Variants in TNPO1 observed in about 807,000 individuals in gnomAD.
TNPO1 encodes the protein transportin 1.
Under a neutral mutation model 119.5 loss-of-function variants are expected in TNPO1, and 8 were observed. The observed-to-expected ratio is 0.07, with a 90% CI of 0.04 to 0.12. The LOEUF is 0.12. Ranked by LOEUF, TNPO1 falls within the 10% of genes least tolerant of loss-of-function variation. The pLI, the probability that TNPO1 is intolerant of heterozygous loss-of-function variation, is 1.00. For synonymous variants in TNPO1, 362 were observed against 363.0 expected (o/e 1.00, Z 0.03); for missense variants, 576 against 1,089.8 (o/e 0.53, Z 6.64).
intron 18 of TNPO1, among the ~76,000 whole-genome samples, chr5:72,895,237 T>TTG (rs1749344134): frequency 6.6e-6 from 1 of 152,240 alleles, no homozygotes; most frequent in Admixed American, 6.5e-5. Context: ...TCCGTTGTAT[T>TTG]TACTGTAAAT....
Position 72,873,416 on chromosome 5 carries a change from G to A in TNPO1, c.678+696G>A, listed in dbSNP as rs183368842. ...ACTACTGTTGGGAAATTATAAGGAA[G>A]AGTAGGGGGGGTTACGTTACTTTTT... On this transcript the variant is annotated intron_variant, in intron 7 of 24. Coordinates refer to ENST00000337273, the MANE Select transcript of TNPO1 (RefSeq NM_002270.4). Among the ~76,000 whole-genome samples, 1,131 of 152,234 alleles carry A rather than the reference G, an allele frequency of 7.4e-3. 8 individuals carry two copies. The highest frequency in any genetic ancestry group is 0.012 in the Non-Finnish European group (840 of 67,950).
chr5:72,900,714 A>G (rs889696355), intron 21 of TNPO1, among the ~76,000 whole-genome samples: 5 of 152,212 alleles, frequency 3.3e-5, no homozygotes, highest in African/African-American at 9.6e-5. Flanking sequence ...AATAGTTTAA[A>G]TGGGAGATTC....
chr5:72,869,250 T>G (rs1250811333), intron 6 of TNPO1, among the ~76,000 whole-genome samples: 1 of 152,038 alleles, frequency 6.6e-6, no homozygotes, highest in East Asian at 1.9e-4. Context: ...TGGCAGAACT[T>G]TTAAAATAAT....
chr5:72,853,189 G>A (rs1580396215), intron 3 of TNPO1, among the ~76,000 whole-genome samples: 1 of 152,138 alleles, frequency 6.6e-6, no homozygotes, highest in African/African-American at 2.4e-5. Flanking sequence ...GGTGGCTCAC[G>A]CCTGTAATCC....
At chr5:72,877,555 T>C (rs764404294) in intron 9 of TNPO1, among the ~76,000 whole-genome samples, 11 of 152,346 alleles carry the variant, frequency 7.2e-5, no homozygotes, top group Non-Finnish European at 1.3e-4. Flanking sequence ...TTCTAAATTA[T>C]AATTGATTTC....
chr5:72,826,582 A>AGT (rs1331939961), intron 1 of TNPO1, among the ~76,000 whole-genome samples: 1 of 150,634 alleles, frequency 6.6e-6, no homozygotes, highest in Non-Finnish European at 1.5e-5. Flanking sequence ...GTAGACACTT[A>AGT]GTAAGTATTT....
At chr5:72,903,090 ATAT>A (rs1364146138) in intron 22 of TNPO1, among the ~76,000 whole-genome samples, 3 of 152,178 alleles carry the variant, frequency 2.0e-5, no homozygotes, top group East Asian at 1.9e-4. Context: ...TGCTTAAAGC[ATAT>A]TATTATCTTG....
At position 72,883,351 on chromosome 5, in the gene TNPO1, A is replaced by G; in HGVS notation, c.1150+119A>G. On this transcript the variant is annotated intron_variant, in intron 11 of 24. Coordinates refer to ENST00000337273, the MANE Select transcript of TNPO1 (RefSeq NM_002270.4). ...TATACATTTCATTGGTTTTTAGTAT[A>G]TTCAGAGAGCTGTTCAACCATTACC... 3 of 636,668 alleles carry G rather than the reference A, an allele frequency of 4.7e-6. No individual in the cohort carries two copies. In the South Asian group the frequency reaches 5.7e-5, roughly 12 times the overall value. The allele number at this position is 636,668 out of a possible 1,614,324, so 39.4% of individuals were successfully genotyped here.
intron 9 of TNPO1, among the ~76,000 whole-genome samples, chr5:72,878,384 G>T (rs774370708): frequency 3.8e-4 from 57 of 150,818 alleles, no homozygotes; most frequent in Non-Finnish European, 3.7e-4. Flanking sequence ...ACCCCACTGT[G>T]TGTCTATTCT....
intron 2 of TNPO1, among the ~76,000 whole-genome samples, chr5:72,849,498 C>T (rs995137170): frequency 6.6e-6 from 1 of 152,166 alleles, no homozygotes; most frequent in African/African-American, 2.4e-5. Flanking sequence ...TAAGTAAGCT[C>T]TTCGTGTTTG....
At position 72,875,651 on chromosome 5, in the gene TNPO1, G is replaced by T; in HGVS notation, c.715G>T (p.Val239Leu). Residue 239 changes from valine (V) to leucine (L), a missense_variant, in exon 8 of 25, where the codon GTA (valine) becomes TTA (leucine). Around this residue, in one of 6 missense-constraint regions of TNPO1, gnomAD observed 310 missense variants for 583.0 expected, o/e 0.53. Transcript: ENST00000337273. Reference sequence around the variant, plus strand: ...ATTAGCTGGTGATGAAGAACCAGAGGTACGGAAAAATGTGTGCCGAGCACT... The same window carrying T: ...ATTAGCTGGTGATGAAGAACCAGAGTTACGGAAAAATGTGTGCCGAGCACT... ...FALAGDEEPEVRKNVCRALVM... is the reference protein window; with the variant it reads ...FALAGDEEPELRKNVCRALVM... 6.2e-7 allele frequency: 1 copy of T among 1,613,424 alleles called. No homozygotes were observed. Among genetic ancestry groups the T allele is most frequent in the Non-Finnish European group, 8.5e-7 (1 of 1,179,506 alleles).
At chr5:72,856,920 G>A (rs951489342) in intron 4 of TNPO1, among the ~76,000 whole-genome samples, 1 of 152,180 alleles carries the variant, frequency 6.6e-6, no homozygotes, top group Non-Finnish European at 1.5e-5. Flanking sequence ...GCAGCCTTTA[G>A]TATACCATGG....
At chr5:72,822,734 A>G (rs1046491350) in intron 1 of TNPO1, among the ~76,000 whole-genome samples, 1 of 151,598 alleles carries the variant, frequency 6.6e-6, no homozygotes, top group African/African-American at 2.4e-5. Context: ...CTGGTACTAC[A>G]GGCACACATC....
intron 14 of TNPO1, among the ~76,000 whole-genome samples, chr5:72,890,994 C>T (rs1194033228): frequency 6.6e-6 from 1 of 152,030 alleles, no homozygotes; most frequent in Non-Finnish European, 1.5e-5. Flanking sequence ...GCTGAGACCA[C>T]AGGCGTGTAC....
chr5:72,874,773 G>A (rs1375402161), intron 7 of TNPO1, among the ~76,000 whole-genome samples: 1 of 152,066 alleles, frequency 6.6e-6, no homozygotes, highest in Non-Finnish European at 1.5e-5. Context: ...AAAGACAGTG[G>A]GACACATTGG....
chr5:72,875,827 C>CT, intron 8 of TNPO1, 90 bp downstream of exon 8: 1 of 1,388,224 alleles, frequency 7.2e-7, no homozygotes, highest in Non-Finnish European at 9.8e-7. Flanking sequence ...GGGAAGGGGA[C>CT]TATAAAATAG....
rs113724911 is a variant in TNPO1, at chr5:72,887,425, C to CA, written c.1303+204dup. On this transcript the variant is annotated intron_variant, in intron 12 of 24. Transcript: ENST00000337273. ...GTAACAGAGGCCAGGCATGGTGGCT[C>CA]ACGCCTATAATCTCAGCACTTTGGG... Among the ~76,000 whole-genome samples, 681 of 152,300 alleles carry CA rather than the reference C, an allele frequency of 4.5e-3. 5 individuals carry two copies. The highest frequency in any genetic ancestry group is 0.016 in the African/African-American group (651 of 41,558).
chr5:72,910,199 CAG>C lies in TNPO1; in HGVS notation c.*1527_*1528del, dbSNP rs1750466828. 1 of 152,620 alleles carries C rather than the reference CAG, an allele frequency of 6.6e-6. No homozygotes were observed. The highest frequency in any genetic ancestry group is 2.4e-5 in the African/African-American group (1 of 41,462). The allele number at this position is 152,620 out of a possible 1,614,324, so 9.5% of individuals were successfully genotyped here. A position where few individuals can be genotyped will look rare whatever the true frequency, so the allele number is the denominator to read the frequency against. On this transcript the variant is annotated 3_prime_UTR_variant, in exon 25 of 25. Coordinates refer to ENST00000337273, the MANE Select transcript of TNPO1 (RefSeq NM_002270.4). The stretch of plus-strand genomic sequence containing the variant: ...CCTCTGTGCCCTAGATATATGCACA[CAG>C]GGTGCAAGTTAAAAGCTACAGAGTG...
chr5:72,818,277 G>C (rs549648217), intron 1 of TNPO1, among the ~76,000 whole-genome samples: 1 of 152,126 alleles, frequency 6.6e-6, no homozygotes, highest in African/African-American at 2.4e-5. Flanking sequence ...ACTCTCAGTG[G>C]CTTTATTACC....
Sources: allele counts gnomAD v4.1 joint callset (sites outside exome capture counted in the v4.1 genomes callset), GRCh38; gene constraint gnomAD v4.1.1; regional missense constraint gnomAD v4.1.1; transcripts MANE v1.5; gene names NCBI Gene and HGNC (gene_info 2026-07-23, HGNC 2026-07-21).